KIRREL3: variants seen among roughly 807,000 people sequenced by gnomAD.
The protein encoded by KIRREL3 is kirre like nephrin family adhesion molecule 3.
Under a neutral mutation model 89.7 loss-of-function variants are expected in KIRREL3, and 36 were observed. That is an observed-to-expected ratio of 0.40 (90% CI 0.31 to 0.53). KIRREL3 has a LOEUF of 0.53. Ranked by LOEUF, KIRREL3 falls within the 20% of genes least tolerant of loss-of-function variation. The pLI is 0.49. For missense variants in KIRREL3, 864 were observed against 1,056.6 expected, an observed-to-expected ratio of 0.82 and a Z score of 2.53; for synonymous variants, 445 against 441.4, an observed-to-expected ratio of 1.01 and a Z score of -0.10.
chr11:126,469,085 C>T (rs973640765), intron 5 of KIRREL3, among the ~76,000 whole-genome samples: 1 of 152,218 alleles, frequency 6.6e-6, no homozygotes, highest in Non-Finnish European at 1.5e-5. Flanking sequence ...TCCTCACAAG[C>T]ACCCCTTAAA....
chr11:126,597,577 G>A (rs182314475), intron 1 of KIRREL3, among the ~76,000 whole-genome samples: 47 of 152,252 alleles, frequency 3.1e-4, no homozygotes, highest in East Asian at 2.1e-3. Context: ...TTCTTTTGCC[G>A]TCAGCTTCAC....
At chr11:126,727,602 C>T (rs943834441) in intron 1 of KIRREL3, among the ~76,000 whole-genome samples, 3 of 152,126 alleles carry the variant, frequency 2.0e-5, no homozygotes, top group South Asian at 2.1e-4. Flanking sequence ...CCAGCTCCCT[C>T]GGGGGGGTCT....
intron 1 of KIRREL3, among the ~76,000 whole-genome samples, chr11:126,738,510 C>T (rs571809467): frequency 1.3e-5 from 2 of 152,238 alleles, no homozygotes; most frequent in African/African-American, 4.8e-5. Context: ...TAATGGAGTC[C>T]GTTAGTATTC....
At chr11:126,785,872 CAAAAAAAA>C (rs34526435) in intron 1 of KIRREL3, among the ~76,000 whole-genome samples, 2 of 37,788 alleles carry the variant, frequency 5.3e-5, no homozygotes, top group Non-Finnish European at 8.9e-5. Context: ...GACTCCGTCT[CAAAAAAAA>C]AAAAAAAAAA....
rs1314091884 is a variant in KIRREL3, at chr11:126,755,050, A to G, written c.56-192138T>C. 3.9e-5 allele frequency among the ~76,000 whole-genome samples: 6 copies of G among 152,196 alleles called. No individual in the cohort carries two copies. ...ATTGGGCCCAAGGAACCCAGATAAGAGTATCTTAATCAAATAAAAAAAGCA... is the reference window on the plus strand; with the variant it reads ...ATTGGGCCCAAGGAACCCAGATAAGGGTATCTTAATCAAATAAAAAAAGCA... On this transcript the variant is annotated intron_variant, in intron 1 of 16. Transcript: ENST00000525144. The surrounding 1 kb of genome is among the most constrained non-coding windows in gnomAD (Gnocchi z 4.3).
intron 1 of KIRREL3, among the ~76,000 whole-genome samples, chr11:126,621,394 T>G (rs1943568799): frequency 6.6e-6 from 1 of 152,226 alleles, no homozygotes; most frequent in African/African-American, 2.4e-5. Flanking sequence ...TTTTTGCTTG[T>G]TCTGTGAAGT....
At chr11:126,438,408 T>C (rs994205248) in intron 11 of KIRREL3, among the ~76,000 whole-genome samples, 9 of 152,234 alleles carry the variant, frequency 5.9e-5, no homozygotes, top group Admixed American at 3.3e-4. Flanking sequence ...TTGCTGCTAT[T>C]GTCACGCTGG....
rs1947716108 is a variant in KIRREL3, at chr11:126,710,526, G to A, written c.56-147614C>T. Reference sequence around the variant, plus strand: ...CATTCTTTAAAGCTCCAGTTAACGTGTATGCAGATGGGAGCTTGGAGGACT... The same window carrying A: ...CATTCTTTAAAGCTCCAGTTAACGTATATGCAGATGGGAGCTTGGAGGACT... On this transcript the variant is annotated intron_variant, in intron 1 of 16. Coordinates refer to ENST00000525144, the MANE Select transcript of KIRREL3 (RefSeq NM_032531.4). The surrounding 1 kb of genome is among the most constrained non-coding windows in gnomAD (Gnocchi z 4.2). Among the ~76,000 whole-genome samples, 1 of 152,142 alleles carries A rather than the reference G, an allele frequency of 6.6e-6. No homozygotes were observed. Among genetic ancestry groups the A allele is most frequent in the Non-Finnish European group, 1.5e-5 (1 of 68,036 alleles).
chr11:126,505,899 C>T (rs79984767), intron 4 of KIRREL3, among the ~76,000 whole-genome samples: 1,971 of 152,254 alleles, frequency 0.013, 39 homozygotes, highest in African/African-American at 0.044. Flanking sequence ...ATAGCTTTCA[C>T]GCAATTCCTA....
rs1292127942 is a variant in KIRREL3, at chr11:126,668,357, A to G, written c.56-105445T>C. ...CCTCCCAAAGGCCTCACCTCCTAAT[A>G]CCGTAGCCTTGGAGGTGAGAATTTT... On this transcript the variant is annotated intron_variant, in intron 1 of 16. Coordinates refer to ENST00000525144, the MANE Select transcript of KIRREL3 (RefSeq NM_032531.4). The surrounding 1 kb of genome is among the most constrained non-coding windows in gnomAD (Gnocchi z 4.4). 3.9e-5 allele frequency among the ~76,000 whole-genome samples: 6 copies of G among 152,140 alleles called. No individual in the cohort carries two copies. Among genetic ancestry groups the G allele is most frequent in the African/African-American group, 1.4e-4 (6 of 41,420 alleles).
chr11:126,658,677 T>G (rs1232178842), intron 1 of KIRREL3, among the ~76,000 whole-genome samples: 2 of 152,242 alleles, frequency 1.3e-5, no homozygotes, highest in Non-Finnish European at 2.9e-5. Flanking sequence ...TTAAGACTTT[T>G]TCTTTGTCTT....
intron 2 of KIRREL3, among the ~76,000 whole-genome samples, chr11:126,540,584 T>C (rs1324954394): frequency 6.6e-6 from 1 of 152,236 alleles, no homozygotes; most frequent in Non-Finnish European, 1.5e-5. Context: ...TGCCAAAGCC[T>C]GCACTGTACT....
At chr11:126,546,806 G>T (rs75670112) in intron 2 of KIRREL3, among the ~76,000 whole-genome samples, 4 of 152,052 alleles carry the variant, frequency 2.6e-5, no homozygotes, top group African/African-American at 7.3e-5. Flanking sequence ...AAAGCATCAC[G>T]CAATCGTGAT....
At chr11:126,913,746 T>C (rs1358893791) in intron 1 of KIRREL3, among the ~76,000 whole-genome samples, 3 of 152,190 alleles carry the variant, frequency 2.0e-5, no homozygotes, top group Non-Finnish European at 4.4e-5. Context: ...GTGCCTCCTC[T>C]CAAGTCTGCT....
At chr11:126,794,573 A>G (rs77995487) in intron 1 of KIRREL3, among the ~76,000 whole-genome samples, 3,525 of 152,352 alleles carry the variant, frequency 0.023, 137 homozygotes, top group African/African-American at 0.081. Context: ...TATTACAAAA[A>G]TATTTTAACC....
At chr11:126,921,401 AT>A (rs879532988) in intron 1 of KIRREL3, among the ~76,000 whole-genome samples, 2,379 of 108,164 alleles carry the variant, frequency 0.022, 40 homozygotes, top group South Asian at 0.097. Context: ...GTATCTATCT[AT>A]CTATCTATCT....
At chr11:126,680,028 G>A (rs144407938) in intron 1 of KIRREL3, among the ~76,000 whole-genome samples, 2 of 152,296 alleles carry the variant, frequency 1.3e-5, no homozygotes, top group African/African-American at 2.4e-5. Flanking sequence ...CCTGGGTCTG[G>A]TTCTCCCAGA....
rs889844935 is a variant in KIRREL3 at position 126,766,364 on chromosome 11, G to A, written c.56-203452C>T. On this transcript the variant is annotated intron_variant, in intron 1 of 16. Transcript: ENST00000525144. The surrounding 1 kb of genome is among the most constrained non-coding windows in gnomAD (Gnocchi z 4.2). ...AGAATTAGAACACTCACTCCTACGC[G>A]GAGAAGAAAAAACTTGGGGAGAGAG... Among the ~76,000 whole-genome samples, 4 of 152,014 alleles carry A rather than the reference G, an allele frequency of 2.6e-5. No homozygotes were observed. Among genetic ancestry groups the A allele is most frequent in the Admixed American group, 2.0e-4 (3 of 15,256 alleles).
rs1217779345 is a variant in KIRREL3, at chr11:126,568,389, C to T, written c.56-5477G>A. 6.6e-6 allele frequency among the ~76,000 whole-genome samples: 1 copy of T among 152,244 alleles called. No individual in the cohort carries two copies. Among genetic ancestry groups the T allele is most frequent in the Non-Finnish European group, 1.5e-5 (1 of 68,044 alleles). The stretch of plus-strand genomic sequence containing the variant: ...GGCTTGCATCTGCTGCTTCTTCCTG[C>T]TCTCTGAAGATGGCCAGAGATCAGA... On this transcript the variant is annotated intron_variant, in intron 1 of 16. Coordinates refer to ENST00000525144, the MANE Select transcript of KIRREL3 (RefSeq NM_032531.4). The surrounding 1 kb of genome is among the most constrained non-coding windows in gnomAD (Gnocchi z 4.6).
Sources: gnomAD v4.1 joint callset for allele counts (sites outside exome capture counted in the v4.1 genomes callset) on GRCh38, gnomAD v4.1.1 for gene constraint, Gnocchi (gnomAD v3.1) non-coding constraint, MANE v1.5 for transcripts, NCBI Gene and HGNC (gene_info 2026-07-23, HGNC 2026-07-21) for gene names.